Variants in LTBP2 observed in about 807,000 individuals in gnomAD.
LTBP2 encodes the protein latent-transforming growth factor beta-binding protein 2.
A neutral mutation model predicts 210.6 loss-of-function variants in LTBP2; 103 were observed. The observed-to-expected ratio is 0.49, with a 90% CI of 0.42 to 0.58. The LOEUF is 0.58. LTBP2 is among the 20% of genes least tolerant of loss of function. LTBP2 has a pLI of 0.00. For synonymous variants in LTBP2, 1,007 were observed against 1,015.0 expected (o/e 0.99, Z 0.15); for missense variants, 2,313 against 2,494.5 (o/e 0.93, Z 1.55).
At chr14:74,571,811 G>T (rs1021104592) in intron 3 of LTBP2, among the ~76,000 whole-genome samples, 1 of 152,228 alleles carries the variant, frequency 6.6e-6, no homozygotes, top group Admixed American at 6.5e-5. Context: ...AAAATGCAGC[G>T]TAGGCGACAT....
rs531801618 is a variant in LTBP2 at position 74,553,530 on chromosome 14, G to A, written c.1022-468C>T. ...TGCCAGAGAGGAGAGTTTTCTAAGA[G>A]AAGAGAAGATAAAGCCTGAAAGGAT... is the stretch of plus-strand genomic sequence containing the variant. On this transcript the variant is annotated intron_variant, in intron 4 of 35. Transcript: ENST00000261978. Among the ~76,000 whole-genome samples the A allele has an allele frequency of 4.6e-5, 7 of 152,324 alleles. No individual in the cohort carries two copies. In the South Asian group the frequency reaches 1.0e-3, roughly 23 times the overall value.
chr14:74,596,915 G>A (rs2088373539), intron 2 of LTBP2, among the ~76,000 whole-genome samples: 1 of 151,472 alleles, frequency 6.6e-6, no homozygotes. Flanking sequence ...AAGCGCAGAT[G>A]TTGAGCAGGC....
At chr14:74,501,904 A>C in intron 34 of LTBP2, 1 of 454,002 alleles carries the variant, frequency 2.2e-6, no homozygotes, top group Non-Finnish European at 4.1e-6. Context: ...GTGTTGCTAC[A>C]TAGTTTTTGG....
At chr14:74,599,273 G>A (rs2088412356) in intron 2 of LTBP2, among the ~76,000 whole-genome samples, 1 of 152,222 alleles carries the variant, frequency 6.6e-6, no homozygotes, top group Non-Finnish European at 1.5e-5. Context: ...CTGGGGGCAG[G>A]AGTGGGAGAG....
intron 3 of LTBP2, among the ~76,000 whole-genome samples, chr14:74,585,279 C>A (rs2088189067): frequency 6.6e-6 from 1 of 152,224 alleles, no homozygotes; most frequent in Non-Finnish European, 1.5e-5. Context: ...GAAGGGTCTT[C>A]TTCTGGCAGA....
chr14:74,515,814 G>A (rs1304755069), intron 18 of LTBP2, among the ~76,000 whole-genome samples: 2 of 152,140 alleles, frequency 1.3e-5, no homozygotes, highest in African/African-American at 4.8e-5. Flanking sequence ...GGTGGGTTCC[G>A]GCTTTGGTCA....
At chr14:74,566,681 G>A (rs971615741) in intron 3 of LTBP2, among the ~76,000 whole-genome samples, 1 of 152,204 alleles carries the variant, frequency 6.6e-6, no homozygotes, top group East Asian at 1.9e-4. Context: ...TTGTTGCCTG[G>A]CACGCTGATA....
At position 74,611,946 on chromosome 14, in the gene LTBP2, G is replaced by C; in HGVS notation, c.-2C>G. 6.4e-7 allele frequency: 1 copy of C among 1,573,356 alleles called. No individual in the cohort carries two copies. The highest frequency in any genetic ancestry group is 1.1e-5 in the South Asian group (1 of 88,444). On this transcript the variant is annotated 5_prime_UTR_variant, in exon 1 of 36. Transcript: ENST00000261978. ...GCGGGCTTTGGTCCGCGGCCTCATG[G>C]CGCGGGGCGGCTGGAGAGTGGTGCG...
chr14:74,572,197 G>A (rs2087988288), intron 3 of LTBP2, among the ~76,000 whole-genome samples: 1 of 152,112 alleles, frequency 6.6e-6, no homozygotes, highest in Non-Finnish European at 1.5e-5. Context: ...TGACTTTGCA[G>A]TTAATCCATT....
rs374259936 is a variant in LTBP2 at position 74,543,917 on chromosome 14, A to G, written c.1789+5946T>C. ...AAGTCACCACAAACAGTGAGGTCGA[A>G]AAAGAGTCTGGTCAGACCCCTGGCT... On this transcript the variant is annotated intron_variant, in intron 8 of 35. Coordinates refer to ENST00000261978, the MANE Select transcript of LTBP2 (RefSeq NM_000428.3). Among the ~76,000 whole-genome samples the G allele has an allele frequency of 6.6e-5, 10 of 152,318 alleles. No individual in the cohort carries two copies. In the East Asian group the frequency reaches 1.7e-3, roughly 26 times the overall value.
rs2087665823 is a variant in LTBP2 at position 74,552,122 on chromosome 14, T to C, written c.1399+65A>G. The C allele has an allele frequency of 2.7e-6, 4 of 1,470,692 alleles. No homozygotes were observed. The East Asian group carries it at 9.9e-5, about 36-fold the overall frequency. The allele number at this position is 1,470,692 out of a possible 1,614,324, so 91.1% of individuals were successfully genotyped here. A position where few individuals can be genotyped will look rare whatever the true frequency, so the allele number is the denominator to read the frequency against. ...TTCCCTATCCCTGTCACAGCCATGG[T>C]GACAGCCTCCACCCAACTGGCACTC... On this transcript the variant is annotated intron_variant, in intron 6 of 35. Transcript: ENST00000261978.
At chr14:74,521,266 G>A (rs965107024) in intron 17 of LTBP2, among the ~76,000 whole-genome samples, 18 of 152,202 alleles carry the variant, frequency 1.2e-4, no homozygotes, top group African/African-American at 4.3e-4. Context: ...TTTACAACTG[G>A]ATTATGAATC....
rs137854858 is a variant in LTBP2, at chr14:74,551,266, C to A, written c.1484G>T (p.Arg495Leu). The change falls in exon 7 of 36, where the codon CGG (arginine) becomes CTG (leucine). Residue 495 changes from arginine to leucine, a missense_variant. Transcript: ENST00000261978. ...SVQIHQVAQVRGGVEEALVEN... is the reference protein window; with the variant it reads ...SVQIHQVAQVLGGVEEALVEN... The stretch of plus-strand genomic sequence containing the variant: ...CACTAGGGCCTCCTCCACCCCGCCC[C>A]GCACCTGGGCCACCTGGTGGATCTG... 1.9e-6 allele frequency: 3 copies of A among 1,609,434 alleles called. No homozygotes were observed. Among genetic ancestry groups the A allele is most frequent in the East Asian group, 2.2e-5 (1 of 44,724 alleles).
chr14:74,505,794 C>G (rs1264651358), intron 28 of LTBP2, among the ~76,000 whole-genome samples: 31 of 152,182 alleles, frequency 2.0e-4, no homozygotes, highest in Non-Finnish European at 4.4e-4. Context: ...TCCCTGGGGC[C>G]ACCCTAAGTC....
chr14:74,537,692 ATGTCCACTGGT>A (rs1465583651), intron 8 of LTBP2, among the ~76,000 whole-genome samples: 3 of 152,224 alleles, frequency 2.0e-5, no homozygotes, highest in Non-Finnish European at 2.9e-5. Context: ...TTGAGAATAT[ATGTCCACTGGT>A]TCATCCTTTA....
intron 3 of LTBP2, among the ~76,000 whole-genome samples, chr14:74,567,950 C>G (rs977971122): frequency 1.3e-5 from 2 of 152,096 alleles, no homozygotes. Flanking sequence ...ATGAATTCGT[C>G]GTTCAACCAC....
At chr14:74,568,693 T>C (rs1182792305) in intron 3 of LTBP2, among the ~76,000 whole-genome samples, 2 of 152,206 alleles carry the variant, frequency 1.3e-5, no homozygotes, top group Non-Finnish European at 2.9e-5. Context: ...CTTTTCCAGA[T>C]GAGGCATAAA....
chr14:74,585,642 AC>A (rs1255624104), intron 3 of LTBP2, among the ~76,000 whole-genome samples: 1 of 151,512 alleles, frequency 6.6e-6, no homozygotes, highest in East Asian at 1.9e-4. Flanking sequence ...TCCTCTTCCC[AC>A]CCCAGGCTGG....
chr14:74,551,036 A>C (rs1419843452), intron 7 of LTBP2, 28 bp downstream of exon 7: 1 of 1,613,190 alleles, frequency 6.2e-7, no homozygotes, highest in Non-Finnish European at 8.5e-7. Flanking sequence ...GGAAGCATCC[A>C]GGGCTGAGGC....
Sources: allele counts gnomAD v4.1 joint callset (sites outside exome capture counted in the v4.1 genomes callset), GRCh38; gene constraint gnomAD v4.1.1; transcripts MANE v1.5; gene names NCBI Gene and HGNC (gene_info 2026-07-23, HGNC 2026-07-21).